Variants in ZNF512B observed in about 807,000 individuals in gnomAD.
The protein encoded by ZNF512B is zinc finger protein 512B.
A neutral mutation model predicts 87.8 loss-of-function variants in ZNF512B; 22 were observed. The observed-to-expected ratio is 0.25, with a 90% confidence interval of 0.18 to 0.36. The LOEUF is 0.36. Ranked by LOEUF, ZNF512B falls within the 10% of genes least tolerant of loss-of-function variation. The pLI is 1.00. For missense variants in ZNF512B, 1,060 were observed against 1,231.6 expected, an observed-to-expected ratio of 0.86 and a Z score of 2.09; for synonymous variants, 524 against 490.9, an observed-to-expected ratio of 1.07 and a Z score of -0.89.
rs571234866 is a variant in ZNF512B, at chr20:63,958,784, C to T, written c.*1104G>A. 6.6e-6 allele frequency: 1 copy of T among 152,482 alleles called. No individual in the cohort carries two copies. Among genetic ancestry groups the T allele is most frequent in the Admixed American group, 6.5e-5 (1 of 15,308 alleles). 9.4% of individuals were successfully genotyped at this position (152,482 alleles called of 1,614,324 possible). A position where few individuals can be genotyped will look rare whatever the true frequency, so the allele number is the denominator to read the frequency against. ...TGGCCAAGCCCCTCCCCTGGCTGGC[C>T]TTCAGTTCCCATATCAAATGACCAC... On this transcript the variant is annotated 3_prime_UTR_variant, in exon 17 of 17. Coordinates refer to ENST00000369888, the MANE Select transcript of ZNF512B (RefSeq NM_020713.3).
intron 10 of ZNF512B, 52 bp downstream of exon 10, chr20:63,963,566 G>A (rs2058881455): frequency 6.2e-7 from 1 of 1,604,256 alleles, no homozygotes; most frequent in East Asian, 2.2e-5. Flanking sequence ...CGGTGAAGGT[G>A]GGGTGCGAGG....
Position 63,962,573 on chromosome 20 carries a change from G to A in ZNF512B, c.2163+14C>T, listed in dbSNP as rs377484647. 17 of 1,600,648 alleles carry A rather than the reference G, an allele frequency of 1.1e-5. No individual in the cohort carries two copies. Among genetic ancestry groups the A allele is most frequent in the Admixed American group, 8.4e-5 (5 of 59,214 alleles). ...GCCACGGCGCTGTCCACAGCCCTGG[G>A]GGGGGCAGCTCACCCGTGCGGTCTC... On this transcript the variant is annotated intron_variant, in intron 13 of 16. Coordinates refer to ENST00000369888, the MANE Select transcript of ZNF512B (RefSeq NM_020713.3).
intron 3 of ZNF512B, 121 bp downstream of exon 3, chr20:63,967,260 C>T (rs956938907): frequency 4.9e-6 from 7 of 1,433,256 alleles, no homozygotes; most frequent in Non-Finnish European, 6.6e-6. Flanking sequence ...TCTGCCAGGC[C>T]AGTGCCCACA....
chr20:63,964,261 G>A (rs2058894871), intron 7 of ZNF512B, 44 bp from the exon 8 acceptor site: 1 of 1,612,376 alleles, frequency 6.2e-7, no homozygotes, highest in South Asian at 1.1e-5. Flanking sequence ...ATGGGCTCAG[G>A]GGCTGTCACT....
In ZNF512B at chr20:63,966,367, C is replaced by T. The variant is rs61738728; in HGVS notation, c.808G>A (p.Val270Ile). 358 of 1,593,582 alleles carry T rather than the reference C, an allele frequency of 2.2e-4. 1 individual carries two copies. The African/African-American group carries it at 4.2e-3, about 19-fold the overall frequency. The change falls in exon 5 of 17, where the codon GTA (valine) becomes ATA (isoleucine). Residue 270 changes from valine to isoleucine, a missense_variant. By Grantham distance (29) the Val-to-Ile change is conservative. This residue lies in a region of ZNF512B where 201 missense variants were observed against 226.8 expected (regional missense o/e 0.89). Transcript: ENST00000369888. ...VTKSVPVTKP[V>I]PVTKPITVTK... ...ACCGTAATGGGTTTGGTGACAGGTA[C>T]GGGTTTGGTGACCGGCACAGACTTG...
rs377196364 is a variant in ZNF512B at position 63,964,696 on chromosome 20, G to A, written c.1055C>T (p.Thr352Ile). The A allele has an allele frequency of 2.5e-6, 4 of 1,611,384 alleles. No homozygotes were observed. The highest frequency in any genetic ancestry group is 2.5e-6 in the Non-Finnish European group (3 of 1,179,964). Residue 352 changes from threonine to isoleucine, a missense_variant, in exon 6 of 17, where the codon ACC becomes ATC. Thr to Ile is a moderately conservative substitution (Grantham distance 89, BLOSUM62 -1). Transcript: ENST00000369888. ...GKKRAADSLD[T>I]CPIPPKQARP... ...GGCCTGCTTGGGTGGAATTGGGCAG[G>A]TGTCCAGGCTGTCCGCAGCCCTGCA... is the stretch of plus-strand genomic sequence containing the variant.
rs201427636 is a variant in ZNF512B, at chr20:63,959,936, C to G, written c.2631G>C (p.Arg877=). 5.4e-5 allele frequency: 87 copies of G among 1,608,122 alleles called. No homozygotes were observed. The highest frequency in any genetic ancestry group is 6.7e-5 in the Admixed American group (4 of 59,674). ...CTCCCACCTTCCGGCCGGTGGAGCCCCGGGCCCCCTTGTCTCTGCATCCTG... is the reference window on the plus strand; with the variant it reads ...CTCCCACCTTCCGGCCGGTGGAGCCGCGGGCCCCCTTGTCTCTGCATCCTG... ...WPPGCRDKGA[R]GSTGRKVGVS... Residue 877 remains arginine, a synonymous_variant, in exon 17 of 17, where the codon CGG becomes CGC. Transcript: ENST00000369888.
chr20:63,968,750 T>G (rs2122891654), intron 1 of ZNF512B, among the ~76,000 whole-genome samples: 1 of 152,284 alleles, frequency 6.6e-6, no homozygotes, highest in South Asian at 2.1e-4. Context: ...CCACTACCAC[T>G]TCAGCCAAAC....
At chr20:63,964,273 G>A (rs757899417) in intron 7 of ZNF512B, 47 bp downstream of exon 7, 17 of 1,612,708 alleles carry the variant, frequency 1.1e-5, no homozygotes, top group Middle Eastern at 1.6e-4. Flanking sequence ...GCTGTCACTC[G>A]GTGGACAGCC....
At chr20:63,969,479 G>A (rs1172494822) in intron 1 of ZNF512B, among the ~76,000 whole-genome samples, 1 of 151,254 alleles carries the variant, frequency 6.6e-6, no homozygotes, top group African/African-American at 2.4e-5. Flanking sequence ...GGGTGAGCGC[G>A]GCCAGGGACG....
At position 63,958,208 on chromosome 20, in the gene ZNF512B, G is replaced by A. The variant is rs1441599005; in HGVS notation, c.*1680C>T. 1 of 152,292 alleles carries A rather than the reference G, an allele frequency of 6.6e-6. No individual in the cohort carries two copies. Among genetic ancestry groups the A allele is most frequent in the Non-Finnish European group, 1.5e-5 (1 of 68,070 alleles). 9.4% of individuals were successfully genotyped at this position (152,292 alleles called of 1,614,324 possible). On this transcript the variant is annotated 3_prime_UTR_variant, in exon 17 of 17. Transcript: ENST00000369888. ...AAGCCCAGTGGGGCCCCTTCTCCCT[G>A]GGGAATGGGGGAGGGTGGGTGCTGG... is the stretch of plus-strand genomic sequence containing the variant.
rs772561647 is a variant in ZNF512B, at chr20:63,961,366, C to T, written c.2370G>A (p.Pro790=). ...CGCCACTCTCAGAACTGAACTCCTT[C>T]GGACACAGCAGACAGCGGTACTTCC... ...LAGKYRCLLC[P]KEFSSESGVK... is the part of the protein sequence containing the mutation. Residue 790 remains proline, a synonymous_variant, in exon 16 of 17, where the codon CCG becomes CCA. Transcript: ENST00000369888. This position sits in a 1 kb window ranked among gnomAD's most constrained non-coding sequence, Gnocchi z 6.4. 55 of 1,612,594 alleles carry T rather than the reference C, an allele frequency of 3.4e-5. No individual in the cohort carries two copies. Among genetic ancestry groups the T allele is most frequent in the South Asian group, 1.2e-4 (11 of 91,086 alleles).
Position 63,963,446 on chromosome 20 carries a change from G to A in ZNF512B, c.1699-6C>T, listed in dbSNP as rs1212385778. Reference sequence around the variant, plus strand: ...GAGGCCTCGGCGTCAGAGGGCTGGGGACAGGGTGAGCATCGGTGACCCGGC... The same window carrying A: ...GAGGCCTCGGCGTCAGAGGGCTGGGAACAGGGTGAGCATCGGTGACCCGGC... On this transcript the variant is annotated splice_polypyrimidine_tract_variant and splice_region_variant and intron_variant, in intron 10 of 16. Transcript: ENST00000369888. The A allele has an allele frequency of 1.9e-6, 3 of 1,547,298 alleles. No individual in the cohort carries two copies. The highest frequency in any genetic ancestry group is 2.6e-6 in the Non-Finnish European group (3 of 1,150,724).
intron 10 of ZNF512B, 33 bp downstream of exon 10, chr20:63,963,585 C>A (rs1487714402): frequency 1.9e-6 from 3 of 1,611,438 alleles, no homozygotes; most frequent in Non-Finnish European, 1.7e-6. Flanking sequence ...GGTCAGAGGT[C>A]ACGCTGGACG....
In ZNF512B at chr20:63,969,856, G is replaced by A. The variant is rs1230316656; in HGVS notation, c.-45C>T. 1 of 139,588 alleles carries A rather than the reference G, an allele frequency of 7.2e-6. No individual in the cohort carries two copies. Among genetic ancestry groups the A allele is most frequent in the Non-Finnish European group, 1.6e-5 (1 of 62,868 alleles). 8.6% of individuals were successfully genotyped at this position (139,588 alleles called of 1,614,324 possible). ...GCTGCGGCCGGGCCGGGCCGGGCCG[G>A]GGCGGGGGGCGCGGGGCGCGGGGCG... is the stretch of plus-strand genomic sequence containing the variant. On this transcript the variant is annotated 5_prime_UTR_variant, in exon 1 of 17. Coordinates refer to ENST00000369888, the MANE Select transcript of ZNF512B (RefSeq NM_020713.3).
chr20:63,960,209 G>A (rs2058834601), intron 16 of ZNF512B, 70 bp from the exon 17 acceptor site: 28 of 1,585,770 alleles, frequency 1.8e-5, no homozygotes, highest in Non-Finnish European at 2.3e-5. Context: ...CATAGCCTGA[G>A]AGCTGAAGAC....
At chr20:63,967,772 T>C in intron 2 of ZNF512B, 58 bp downstream of exon 2, 1 of 1,583,812 alleles carries the variant, frequency 6.3e-7, no homozygotes, top group South Asian at 1.1e-5. Context: ...AATGGTCCAC[T>C]CCTACCACTT....
rs2058820530 is a variant in ZNF512B at position 63,958,709 on chromosome 20, C to G, written c.*1179G>C. 1 of 152,336 alleles carries G rather than the reference C, an allele frequency of 6.6e-6. No homozygotes were observed. The highest frequency in any genetic ancestry group is 1.5e-5 in the Non-Finnish European group (1 of 68,122). The allele number at this position is 152,336 out of a possible 1,614,324, so 9.4% of individuals were successfully genotyped here. ...CTATAGACCCAGCCGTCCTCAGGGC[C>G]ACAAAGGGGCAAAGACAGCTCTGGA... On this transcript the variant is annotated 3_prime_UTR_variant, in exon 17 of 17. Coordinates refer to ENST00000369888, the MANE Select transcript of ZNF512B (RefSeq NM_020713.3).
At position 63,964,484 on chromosome 20, in the gene ZNF512B, T is replaced by G. The variant is rs762006459; in HGVS notation, c.1261+6A>C. On this transcript the variant is annotated splice_donor_region_variant and intron_variant, in intron 6 of 16. Coordinates refer to ENST00000369888, the MANE Select transcript of ZNF512B (RefSeq NM_020713.3). The stretch of plus-strand genomic sequence containing the variant: ...CCGGCCGCCACCCCTGGAGCTCTCA[T>G]CTTACTGTGCTTTGTGCGCTCCGGG... 1 of 1,613,138 alleles carries G rather than the reference T, an allele frequency of 6.2e-7. No homozygotes were observed. The highest frequency in any genetic ancestry group is 8.5e-7 in the Non-Finnish European group (1 of 1,179,834).
Sources: gnomAD v4.1 joint callset for allele counts (sites outside exome capture counted in the v4.1 genomes callset) on GRCh38, gnomAD v4.1.1 for gene constraint, gnomAD v4.1.1 regional missense constraint, Gnocchi (gnomAD v3.1) non-coding constraint, MANE v1.5 for transcripts, NCBI Gene and HGNC (gene_info 2026-07-23, HGNC 2026-07-21) for gene names.